Variants in TMCO6 observed in about 807,000 individuals in gnomAD.
TMCO6 encodes transmembrane and coiled-coil domain-containing protein 6.
A neutral mutation model predicts 61.8 loss-of-function variants in TMCO6; 47 were observed. That is an observed-to-expected ratio of 0.76 (90% CI 0.60 to 0.97). The LOEUF is 0.97. TMCO6 is among the 50% of genes least tolerant of loss of function. The pLI, the probability that TMCO6 is intolerant of heterozygous loss-of-function variation, is 0.00. For synonymous variants in TMCO6, 261 were observed against 254.2 expected, an observed-to-expected ratio of 1.03 and a Z score of -0.25; for missense variants, 557 against 601.6, an observed-to-expected ratio of 0.93 and a Z score of 0.78.
At chr5:140,632,061 CTG>C in the TMCO6 span, 3 of 1,614,230 alleles carry the variant, frequency 1.9e-6, no homozygotes, top group Non-Finnish European at 2.5e-6. This position sits in a 1 kb window ranked among gnomAD's most constrained non-coding sequence, Gnocchi z 6.2. Flanking sequence ...CCTGTTCAGT[CTG>C]TTGCAGCTGA....
upstream of TMCO6, chr5:140,639,411 C>A: frequency 2.8e-6 from 3 of 1,079,938 alleles, no homozygotes; most frequent in South Asian, 1.5e-5. Flanking sequence ...CCCCGCTCCT[C>A]GCGCCCTCCC....
At chr5:140,647,587 T>C, downstream of TMCO6, 1 of 1,609,368 alleles carries the variant, frequency 6.2e-7, no homozygotes, top group Non-Finnish European at 8.5e-7. Context: ...CCGCCATCCT[T>C]GTTAATATCG....
the TMCO6 span, among the ~76,000 whole-genome samples, chr5:140,630,344 C>T: frequency 2.0e-5 from 3 of 151,948 alleles, no homozygotes; most frequent in African/African-American, 7.3e-5. Flanking sequence ...AGATATGTTA[C>T]ATCACCACTA....
At chr5:140,601,014 G>A in the TMCO6 span, among the ~76,000 whole-genome samples, 2 of 152,160 alleles carry the variant, frequency 1.3e-5, no homozygotes, top group African/African-American at 4.8e-5. Flanking sequence ...TAGGGAAAGT[G>A]TGCCCCATTA....
the TMCO6 span, among the ~76,000 whole-genome samples, chr5:140,619,718 G>A: frequency 6.6e-6 from 1 of 152,036 alleles, no homozygotes; most frequent in East Asian, 1.9e-4. Flanking sequence ...TGGGCCAAAA[G>A]CTCCTCTTGG....
the TMCO6 span, among the ~76,000 whole-genome samples, chr5:140,630,368 C>T: frequency 1.3e-5 from 2 of 152,088 alleles, no homozygotes; most frequent in African/African-American, 4.8e-5. Flanking sequence ...CCTTAGTCAG[C>T]TCAGGCTACC....
chr5:140,627,595 G>A, the TMCO6 span, among the ~76,000 whole-genome samples: 3 of 152,102 alleles, frequency 2.0e-5, no homozygotes, highest in African/African-American at 7.2e-5. Flanking sequence ...ATATTTAAGT[G>A]CTTTTTCTTT....
chr5:140,608,315 A>G, the TMCO6 span, among the ~76,000 whole-genome samples: 5 of 152,172 alleles, frequency 3.3e-5, no homozygotes, highest in Admixed American at 6.5e-5. Context: ...AGAAATGGCT[A>G]TTCAAGCCCT....
At chr5:140,598,211 G>GT in the TMCO6 span, among the ~76,000 whole-genome samples, 3,933 of 144,136 alleles carry the variant, frequency 0.027, 155 homozygotes, top group African/African-American at 0.086. Context: ...ATTTTATTTG[G>GT]TTTTTTTTTT....
At chr5:140,634,112 G>T in the TMCO6 span, among the ~76,000 whole-genome samples, 1 of 152,090 alleles carries the variant, frequency 6.6e-6, no homozygotes, top group Non-Finnish European at 1.5e-5. Context: ...AAAAGTGGAT[G>T]TATTTAACAG....
the TMCO6 span, among the ~76,000 whole-genome samples, chr5:140,607,409 G>A: frequency 5.3e-5 from 8 of 152,186 alleles, no homozygotes; most frequent in Non-Finnish European, 1.0e-4. Flanking sequence ...TCCGTTGTCT[G>A]TGTATACCAC....
In TMCO6 at chr5:140,639,573, G is replaced by A. The variant is rs1468805703; in HGVS notation, c.46G>A (p.Val16Met). The A allele has an allele frequency of 1.9e-6, 3 of 1,546,894 alleles. No homozygotes were observed. The highest frequency in any genetic ancestry group is 2.7e-5 in the African/African-American group (2 of 72,846). Residue 16 changes from valine to methionine, a missense_variant, in exon 1 of 12, where the codon GTG becomes ATG. By Grantham distance (21) the Val-to-Met change is conservative. Coordinates refer to ENST00000394671, the MANE Select transcript of TMCO6 (RefSeq NM_018502.5). ...CCGCCTCAGGCCCACGGTCTGCGGG[G>A]TGGAGGAGCTACGGCGCCGCCGGCG... ...QGRLRPTVCG[V>M]EELRRRRRER...
At chr5:140,612,075 G>T in the TMCO6 span, among the ~76,000 whole-genome samples, 2 of 152,154 alleles carry the variant, frequency 1.3e-5, no homozygotes, top group East Asian at 3.9e-4. Context: ...ATGTCATTTT[G>T]ATTCCAGATG....
the TMCO6 span, among the ~76,000 whole-genome samples, chr5:140,611,302 C>T: frequency 6.6e-6 from 1 of 152,136 alleles, no homozygotes; most frequent in South Asian, 2.1e-4. Flanking sequence ...TCCCATCACT[C>T]CCGCCACCCC....
At chr5:140,598,654 G>A in the TMCO6 span, among the ~76,000 whole-genome samples, 2 of 152,082 alleles carry the variant, frequency 1.3e-5, no homozygotes, top group East Asian at 1.9e-4. Flanking sequence ...TCTATTCCTG[G>A]CCGGGTGCAG....
the TMCO6 span, among the ~76,000 whole-genome samples, chr5:140,605,862 T>A: frequency 6.6e-6 from 1 of 152,212 alleles, no homozygotes; most frequent in Non-Finnish European, 1.5e-5. Flanking sequence ...CTTTTTTTTG[T>A]TGTGAGATTT....
chr5:140,636,834 A>T (rs1435429013), upstream of TMCO6, among the ~76,000 whole-genome samples: 1 of 152,234 alleles, frequency 6.6e-6, no homozygotes, highest in Non-Finnish European at 1.5e-5. Flanking sequence ...ATTTGTACTT[A>T]ATTGAACCTT....
chr5:140,645,332 C>G lies in TMCO6; in HGVS notation c.*234C>G, dbSNP rs547270239. The G allele has an allele frequency of 1.8e-5, 13 of 733,884 alleles. No individual in the cohort carries two copies. The highest frequency in any genetic ancestry group is 2.9e-5 in the Non-Finnish European group (12 of 420,636). The allele number at this position is 733,884 out of a possible 1,614,324, so 45.5% of individuals were successfully genotyped here. On this transcript the variant is annotated 3_prime_UTR_variant, in exon 12 of 12. Coordinates refer to ENST00000394671, the MANE Select transcript of TMCO6 (RefSeq NM_018502.5). ...TGGGGCCCTAGAATCCCTGCCCCCC[C>G]GCCACCCTTCATGTTTGCTTCAGCA...
At chr5:140,639,366 T>G (rs114979942), upstream of TMCO6, 1 of 666,208 alleles carries the variant, frequency 1.5e-6, no homozygotes, top group Non-Finnish European at 2.6e-6. Flanking sequence ...CCGCGAGGCG[T>G]CCACTCGCCG....
Sources: gnomAD v4.1 joint callset for allele counts (sites outside exome capture counted in the v4.1 genomes callset) on GRCh38, gnomAD v4.1.1 for gene constraint, Gnocchi (gnomAD v3.1) non-coding constraint, MANE v1.5 for transcripts, NCBI Gene and HGNC (gene_info 2026-07-23, HGNC 2026-07-21) for gene names.